ACTR10: variants seen among roughly 807,000 people sequenced by gnomAD.
The protein encoded by ACTR10 is actin related protein 10.
In ACTR10, 43 loss-of-function variants were observed where a neutral mutation model predicts 56.2. That is an observed-to-expected ratio of 0.77 (90% CI 0.60 to 0.99). ACTR10 has a LOEUF of 0.99. Ranked by LOEUF, ACTR10 falls within the 50% of genes least tolerant of loss-of-function variation. The pLI is 0.00. For synonymous variants in ACTR10, 170 were observed against 176.3 expected, an observed-to-expected ratio of 0.96 and a Z score of 0.28; for missense variants, 466 against 507.8, an observed-to-expected ratio of 0.92 and a Z score of 0.79.
intron 7 of ACTR10, among the ~76,000 whole-genome samples, chr14:58,218,860 T>A (rs914136867): frequency 4.6e-5 from 7 of 152,164 alleles, no homozygotes; most frequent in African/African-American, 1.4e-4. Flanking sequence ...AGTTTCACTC[T>A]TTTTGCCCAG....
At chr14:58,232,501 C>T (rs1376272208) in intron 12 of ACTR10, among the ~76,000 whole-genome samples, 2 of 145,104 alleles carry the variant, frequency 1.4e-5, no homozygotes, top group Admixed American at 7.4e-5. Context: ...CTGCAGCTTC[C>T]GCCTCCCGGG....
chr14:58,224,027 G>T (rs1889343382), intron 10 of ACTR10, among the ~76,000 whole-genome samples, 171 bp downstream of exon 10: 1 of 151,544 alleles, frequency 6.6e-6, no homozygotes, highest in South Asian at 2.1e-4. Flanking sequence ...TTGAGACAAG[G>T]TCTTGCTGTG....
rs1415663069 is a variant in ACTR10, at chr14:58,234,396, A to G, written c.1099A>G (p.Ile367Val). The change falls in exon 13 of 13, where the codon ATA (isoleucine) becomes GTA (valine). Residue 367 changes from isoleucine (I) to valine (V), a missense_variant. By Grantham distance (29) the Ile-to-Val change is conservative. Transcript: ENST00000254286. ...GGCTATTTTTGGAGCATTACAAGAT[A>G]TACTTGGGAGCCGTTCTGTTTCAAA... Reference protein sequence around the residue: ...GGAIFGALQDILGSRSVSKEY... With the variant: ...GGAIFGALQDVLGSRSVSKEY... The G allele has an allele frequency of 6.2e-7, 1 of 1,603,292 alleles. No homozygotes were observed. The highest frequency in any genetic ancestry group is 1.3e-5 in the African/African-American group (1 of 74,710).
At chr14:58,222,680 G>A (rs1889300670) in intron 8 of ACTR10, among the ~76,000 whole-genome samples, 1 of 149,694 alleles carries the variant, frequency 6.7e-6, no homozygotes, top group Admixed American at 6.7e-5. Flanking sequence ...TATGAGAATC[G>A]CATGAACTCA....
chr14:58,232,092 A>G lies in ACTR10; in HGVS notation c.897A>G (p.Leu299=), dbSNP rs1889550805. The G allele has an allele frequency of 6.2e-7, 1 of 1,613,696 alleles. No homozygotes were observed. The highest frequency in any genetic ancestry group is 1.7e-5 in the Admixed American group (1 of 59,984). Residue 299 remains leucine, a synonymous_variant, in exon 12 of 13, where the codon CTA becomes CTG. Transcript: ENST00000254286. ...GTCCGATAGACACCAGGAAGCAACT[A>G]GCAGAGAATTTGGTAGTCATAGGTG... ...IQCPIDTRKQ[L]AENLVVIGGT...
chr14:58,221,388 G>T (rs1374746286), intron 8 of ACTR10, among the ~76,000 whole-genome samples: 2 of 151,852 alleles, frequency 1.3e-5, no homozygotes, highest in Non-Finnish European at 2.9e-5. Flanking sequence ...GAGCCCAGGA[G>T]TTCAAGACCA....
chr14:58,217,005 G>T (rs925745117), intron 7 of ACTR10, among the ~76,000 whole-genome samples: 9 of 152,154 alleles, frequency 5.9e-5, no homozygotes, highest in Non-Finnish European at 1.3e-4. Context: ...TTTTCCTGTT[G>T]TTCCCTATTG....
intron 5 of ACTR10, 61 bp from the exon 6 acceptor site, chr14:58,213,570 A>G: frequency 8.3e-7 from 1 of 1,209,936 alleles, no homozygotes; most frequent in Non-Finnish European, 1.2e-6. Context: ...GAAGGTGAGG[A>G]AAATATCAAG....
At position 58,230,494 on chromosome 14, in the gene ACTR10, T is replaced by C; in HGVS notation, c.870+14T>C. ...TCCCTTATACAGGTATTTTATCTTG[T>C]CAAAAAATTCCCTTTATTACCACAG... On this transcript the variant is annotated intron_variant, in intron 11 of 12. Transcript: ENST00000254286. 1 of 1,414,958 alleles carries C rather than the reference T, an allele frequency of 7.1e-7. No homozygotes were observed. 87.7% of individuals were successfully genotyped at this position (1,414,958 alleles called of 1,614,324 possible).
chr14:58,211,373 G>A lies in ACTR10; in HGVS notation c.424G>A (p.Gly142Arg). 1.2e-6 allele frequency: 2 copies of A among 1,613,436 alleles called. No individual in the cohort carries two copies. The highest frequency in any genetic ancestry group is 2.7e-5 in the African/African-American group (2 of 74,978). ...GINSAMVLDCGYRESLVLPIY... is the reference protein window; with the variant it reads ...GINSAMVLDCRYRESLVLPIY... The stretch of plus-strand genomic sequence containing the variant: ...TAATTCTGCCATGGTCCTAGATTGT[G>A]GATATAGGGAAAGCCTGGTGTTACC... The change falls in exon 5 of 13, where the codon GGA becomes AGA. Residue 142 changes from glycine (G) to arginine (R), a missense_variant. By Grantham distance (125) the Gly-to-Arg change is moderately radical. Transcript: ENST00000254286.
Position 58,208,990 on chromosome 14 carries a change from A to C in ACTR10, c.234-9A>C. 1 of 1,589,418 alleles carries C rather than the reference A, an allele frequency of 6.3e-7. No individual in the cohort carries two copies. Among genetic ancestry groups the C allele is most frequent in the Non-Finnish European group, 8.6e-7 (1 of 1,167,272 alleles). On this transcript the variant is annotated splice_polypyrimidine_tract_variant and intron_variant, in intron 3 of 12. Transcript: ENST00000254286. ...TTTTACTTTTAAAACCAAAACTTTC[A>C]CTTTTCAGGCATCTATTGGTGAATC...
At chr14:58,210,986 TC>T (rs1888979959) in intron 4 of ACTR10, 1 of 253,824 alleles carries the variant, frequency 3.9e-6, no homozygotes, top group Non-Finnish European at 7.7e-6. Context: ...CTAGACCTCT[TC>T]TTTTATCCCT....
rs12499 is a variant in ACTR10, at chr14:58,232,213, A to T, written c.1018A>T (p.Thr340Ser). The T allele has an allele frequency of 6.2e-7, 1 of 1,613,740 alleles. No homozygotes were observed. The highest frequency in any genetic ancestry group is 1.3e-5 in the African/African-American group (1 of 74,894). Residue 340 changes from threonine (T) to serine (S), a missense_variant, in exon 12 of 13, where the codon ACA becomes TCA. Thr to Ser is a moderately conservative substitution (Grantham distance 58). Coordinates refer to ENST00000254286, the MANE Select transcript of ACTR10 (RefSeq NM_018477.3). The part of the protein sequence containing the change: ...PKYKKALGTK[T>S]FRIHTPPAKA... ...ATATAAAAAAGCACTTGGCACTAAG[A>T]CATTTCGAATTCATACTCCACCTGC...
rs919331597 is a variant in ACTR10 at position 58,209,311 on chromosome 14, C to G, written c.342+204C>G. ...GGGAACCAGATGACAGAAGATTCTT[C>G]AAACTGGCCATTTATTTTCTTCCTT... On this transcript the variant is annotated intron_variant, in intron 4 of 12. Transcript: ENST00000254286. 1.3e-5 allele frequency: 4 copies of G among 298,184 alleles called. No homozygotes were observed. In the Admixed American group the frequency reaches 2.0e-4, roughly 15 times the overall value. The allele number at this position is 298,184 out of a possible 1,614,324, so 18.5% of individuals were successfully genotyped here. A position where few individuals can be genotyped will look rare whatever the true frequency, so the allele number is the denominator to read the frequency against.
At chr14:58,223,760 T>C (rs752936224) in intron 9 of ACTR10, 23 bp from the exon 10 acceptor site, 11 of 1,610,028 alleles carry the variant, frequency 6.8e-6, no homozygotes, top group South Asian at 6.6e-5. Context: ...TGTGGACTTA[T>C]GTTTATGATA....
At chr14:58,205,607 G>A (rs886685347) in intron 2 of ACTR10, among the ~76,000 whole-genome samples, 4 of 152,202 alleles carry the variant, frequency 2.6e-5, no homozygotes, top group South Asian at 2.1e-4. Flanking sequence ...GAGCCACTGC[G>A]CTCGGCCCAG....
At chr14:58,222,320 A>G (rs1175977005) in intron 8 of ACTR10, among the ~76,000 whole-genome samples, 1 of 152,222 alleles carries the variant, frequency 6.6e-6, no homozygotes, top group African/African-American at 2.4e-5. Context: ...ATACTTTGCA[A>G]TAGAATTTTT....
rs1889634781 is a variant in ACTR10, at chr14:58,234,720, T to C, written c.*169T>C. The C allele has an allele frequency of 1.9e-6, 1 of 532,962 alleles. No homozygotes were observed. Among genetic ancestry groups the C allele is most frequent in the Non-Finnish European group, 3.0e-6 (1 of 333,090 alleles). 33.0% of individuals were successfully genotyped at this position (532,962 alleles called of 1,614,324 possible). A position where few individuals can be genotyped will look rare whatever the true frequency, so the allele number is the denominator to read the frequency against. On this transcript the variant is annotated 3_prime_UTR_variant, in exon 13 of 13. Coordinates refer to ENST00000254286, the MANE Select transcript of ACTR10 (RefSeq NM_018477.3). ...AATTCTTTTGACTTTGTTTCTCTTG[T>C]GTAGTGGTAAAATGGTAGCTGGTGC...
At chr14:58,231,125 C>G (rs1274120588) in intron 11 of ACTR10, 8 of 326,096 alleles carry the variant, frequency 2.5e-5, no homozygotes, top group Admixed American at 2.1e-4. Context: ...ATGATCTCAG[C>G]TCAGCACAAC....
Sources: gnomAD v4.1 joint callset for allele counts (sites outside exome capture counted in the v4.1 genomes callset) on GRCh38, gnomAD v4.1.1 for gene constraint, MANE v1.5 for transcripts, NCBI Gene and HGNC (gene_info 2026-07-23, HGNC 2026-07-21) for gene names.